The following NIT2 variants were observed in gnomAD, a reference collection of about 807,000 sequenced individuals.
NIT2 encodes nitrilase family member 2.
A neutral mutation model predicts 42.7 loss-of-function variants in NIT2; 46 were observed. The observed-to-expected ratio is 1.08, with a 90% CI of 0.85 to 1.38. The LOEUF is 1.38. NIT2 is among the 40% of genes most tolerant of loss of function. The pLI is 0.00. For missense variants in NIT2, 309 were observed against 342.5 expected (o/e 0.90, Z 0.77); for synonymous variants, 123 against 121.9 (o/e 1.01, Z -0.06).
chr3:100,345,483 A>G (rs1706205953), intron 4 of NIT2, 102 bp from the exon 5 acceptor site: 1 of 759,678 alleles, frequency 1.3e-6, no homozygotes. Context: ...TTGTATAGTT[A>G]ATCTTAGAGC....
chr3:100,339,700 T>C, intron 2 of NIT2, 115 bp from the exon 3 acceptor site: 1 of 1,035,358 alleles, frequency 9.7e-7, no homozygotes. Flanking sequence ...ATTAGCTGTG[T>C]TTTAACCCTT....
intron 6 of NIT2, among the ~76,000 whole-genome samples, 179 bp from the exon 7 acceptor site, chr3:100,348,624 C>T (rs277649): frequency 0.74 from 112,543 of 152,176 alleles, 42,518 homozygotes; most frequent in East Asian, 0.93. Context: ...CTTACGTGTT[C>T]GTATTAAAGG....
chr3:100,359,584 G>A lies in NIT2; in HGVS notation c.*4316G>A, dbSNP rs1466588090. ...CATGTGGCCTCTCTCAACACCATTG[G>A]TGTGACCTTGCTCATACTGCCTCTC... On this transcript the variant is annotated 3_prime_UTR_variant, in exon 10 of 10. Transcript: ENST00000394140. 1 of 152,168 alleles carries A rather than the reference G, an allele frequency of 6.6e-6. No homozygotes were observed. The highest frequency in any genetic ancestry group is 1.5e-5 in the Non-Finnish European group (1 of 68,040). The allele number at this position is 152,168 out of a possible 1,614,324, so 9.4% of individuals were successfully genotyped here. A position where few individuals can be genotyped will look rare whatever the true frequency, so the allele number is the denominator to read the frequency against.
intron 1 of NIT2, among the ~76,000 whole-genome samples, chr3:100,335,472 T>C (rs182742010): frequency 4.3e-4 from 65 of 152,364 alleles, no homozygotes; most frequent in African/African-American, 1.5e-3. Context: ...TGATGAATAT[T>C]AGGGCAGCCT....
rs200885959 is a variant in NIT2, at chr3:100,361,303, T to C, written c.*6035T>C. ...CTCTAAAACAATGCCCAAGAGCCAA[T>C]GTTAGTCATGGTCTTCCTGTATTTG... is the stretch of plus-strand genomic sequence containing the variant. On this transcript the variant is annotated 3_prime_UTR_variant, in exon 10 of 10. Coordinates refer to ENST00000394140, the MANE Select transcript of NIT2 (RefSeq NM_020202.5). 2 of 112,888 alleles carry C rather than the reference T, an allele frequency of 1.8e-5. No homozygotes were observed. Among genetic ancestry groups the C allele is most frequent in the Non-Finnish European group, 3.2e-5 (2 of 62,390 alleles). 7.0% of individuals were successfully genotyped at this position (112,888 alleles called of 1,614,324 possible).
rs112048263 is a variant in NIT2 at position 100,350,596 on chromosome 3, G to A, written c.584+1715G>A. Among the ~76,000 whole-genome samples, 941 of 152,286 alleles carry A rather than the reference G, an allele frequency of 6.2e-3. 9 individuals are homozygous for A. Among genetic ancestry groups the A allele is most frequent in the African/African-American group, 0.021 (879 of 41,540 alleles). On this transcript the variant is annotated intron_variant, in intron 7 of 9. Transcript: ENST00000394140. ...GTGGGGGCTGTCCTGTGCATGGTAG[G>A]ATGTTTAGCAGCATCTGTGGCCTCT...
chr3:100,356,907 A>G lies in NIT2; in HGVS notation c.*1639A>G, dbSNP rs1435854492. The G allele has an allele frequency of 3.9e-5, 6 of 152,196 alleles. No individual in the cohort carries two copies. Among genetic ancestry groups the G allele is most frequent in the Non-Finnish European group, 7.3e-5 (5 of 68,038 alleles). The allele number at this position is 152,196 out of a possible 1,614,324, so 9.4% of individuals were successfully genotyped here. On this transcript the variant is annotated 3_prime_UTR_variant, in exon 10 of 10. Coordinates refer to ENST00000394140, the MANE Select transcript of NIT2 (RefSeq NM_020202.5). The stretch of plus-strand genomic sequence containing the variant: ...TTCTGTATGTCTTCTTTCACTCAAA[A>G]TCACTTGGAACTCAAAATTACTTCT...
intron 1 of NIT2, among the ~76,000 whole-genome samples, chr3:100,336,936 A>T (rs180806453): frequency 6.6e-6 from 1 of 152,206 alleles, no homozygotes; most frequent in Admixed American, 6.5e-5. Flanking sequence ...ATTTCAGACT[A>T]TCACATGGGG....
Position 100,352,441 on chromosome 3 carries a change from C to T in NIT2, c.622C>T (p.Pro208Ser), listed in dbSNP as rs778812375. ...TCAGGTGTATGTGGCCACAGCCTCT[C>T]CTGCCCGGGATGACAAAGCCTCCTA... ...DNQVYVATAS[P>S]ARDDKASYVA... Residue 208 changes from proline to serine, a missense_variant, in exon 8 of 10, where the codon CCT (proline) becomes TCT (serine). Transcript: ENST00000394140. 16 of 1,613,430 alleles carry T rather than the reference C, an allele frequency of 9.9e-6. No homozygotes were observed. The highest frequency in any genetic ancestry group is 4.4e-5 in the South Asian group (4 of 91,078).
chr3:100,347,661 GTGAAGT>G (rs890836992), intron 6 of NIT2, among the ~76,000 whole-genome samples: 1 of 152,118 alleles, frequency 6.6e-6, no homozygotes, highest in African/African-American at 2.4e-5. Flanking sequence ...CTTTTTTTAA[GTGAAGT>G]TGATACCGGT....
At chr3:100,337,860 C>T (rs965028389) in intron 1 of NIT2, among the ~76,000 whole-genome samples, 5 of 152,122 alleles carry the variant, frequency 3.3e-5, no homozygotes, top group East Asian at 1.9e-4. Flanking sequence ...CCCAGGAGTT[C>T]GAGACCAGCC....
Position 100,352,423 on chromosome 3 carries a change from T to G in NIT2, c.604T>G (p.Tyr202Asp). 1 of 1,613,254 alleles carries G rather than the reference T, an allele frequency of 6.2e-7. No homozygotes were observed. The highest frequency in any genetic ancestry group is 8.5e-7 in the Non-Finnish European group (1 of 1,179,378). The change falls in exon 8 of 10, where the codon TAT becomes GAT. Residue 202 changes from tyrosine (Y) to aspartate (D), a missense_variant. Physicochemically the swap from Tyr to Asp is radical, Grantham distance 160. Transcript: ENST00000394140. ...QRSRAVDNQVYVATASPARDD... is the reference protein window; with the variant it reads ...QRSRAVDNQVDVATASPARDD... Reference sequence around the variant, plus strand: ...CTACAGGGCTGTTGATAATCAGGTGTATGTGGCCACAGCCTCTCCTGCCCG... The same window carrying G: ...CTACAGGGCTGTTGATAATCAGGTGGATGTGGCCACAGCCTCTCCTGCCCG...
At chr3:100,349,099 G>A in intron 7 of NIT2, 5 of 385,768 alleles carry the variant, frequency 1.3e-5, no homozygotes, top group South Asian at 4.2e-5. Context: ...ATGGATTTTG[G>A]AAACTGTACT....
At chr3:100,339,006 C>G (rs1432554014) in intron 1 of NIT2, 81 bp from the exon 2 acceptor site, 6 of 978,088 alleles carry the variant, frequency 6.1e-6, no homozygotes, top group Non-Finnish European at 1.0e-5. Flanking sequence ...ACATAACTGC[C>G]TTCCATTTGA....
chr3:100,351,123 T>G (rs1345023846), intron 7 of NIT2, among the ~76,000 whole-genome samples: 1 of 152,186 alleles, frequency 6.6e-6, no homozygotes, highest in Non-Finnish European at 1.5e-5. Flanking sequence ...ACATTTGGGT[T>G]GGTTCCAAGT....
Position 100,356,275 on chromosome 3 carries a change from C to T in NIT2, c.*1007C>T, listed in dbSNP as rs981947896. 8 of 152,148 alleles carry T rather than the reference C, an allele frequency of 5.3e-5. No individual in the cohort carries two copies. The highest frequency in any genetic ancestry group is 1.9e-4 in the African/African-American group (8 of 41,428). The allele number at this position is 152,148 out of a possible 1,614,324, so 9.4% of individuals were successfully genotyped here. On this transcript the variant is annotated 3_prime_UTR_variant, in exon 10 of 10. Transcript: ENST00000394140. ...GAACAACCAGCTATTTGAGAAAAAG[C>T]CCTGATTTTGCTGCTTTTCATGGTG...
At position 100,339,889 on chromosome 3, in the gene NIT2, G is replaced by C. The variant is rs146768162; in HGVS notation, c.201G>C (p.Gln67His). 75 of 1,613,784 alleles carry C rather than the reference G, an allele frequency of 4.6e-5. No individual in the cohort carries two copies. In the African/African-American group the frequency reaches 5.1e-4, roughly 11 times the overall value. ...AGAAAATTCCTGGTGAATCCACACA[G>C]AAGCTTTCTGAAGTAGCAAAGGAAT... is the stretch of plus-strand genomic sequence containing the variant. ...YAEKIPGEST[Q>H]KLSEVAKECS... Residue 67 changes from glutamine to histidine, a missense_variant, in exon 3 of 10, where the codon CAG (glutamine) becomes CAC (histidine). Gln to His is a conservative substitution (Grantham distance 24). Coordinates refer to ENST00000394140, the MANE Select transcript of NIT2 (RefSeq NM_020202.5).
In NIT2 at chr3:100,360,115, T is replaced by C. The variant is rs1400587478; in HGVS notation, c.*4847T>C. 1 of 152,188 alleles carries C rather than the reference T, an allele frequency of 6.6e-6. No homozygotes were observed. The highest frequency in any genetic ancestry group is 2.4e-5 in the African/African-American group (1 of 41,444). 9.4% of individuals were successfully genotyped at this position (152,188 alleles called of 1,614,324 possible). On this transcript the variant is annotated 3_prime_UTR_variant, in exon 10 of 10. Coordinates refer to ENST00000394140, the MANE Select transcript of NIT2 (RefSeq NM_020202.5). ...TCATGAGTGCTTAGTAAATGTTGAG[T>C]TGGAATGAATTTATTCCTACAGGTT...
At chr3:100,339,299 C>G in intron 2 of NIT2, 94 bp downstream of exon 2, 2 of 820,734 alleles carry the variant, frequency 2.4e-6, no homozygotes, top group Non-Finnish European at 4.3e-6. Context: ...TCCTGGGGTC[C>G]AGCAGTGTCC....
Sources: allele counts gnomAD v4.1 joint callset (sites outside exome capture counted in the v4.1 genomes callset), GRCh38; gene constraint gnomAD v4.1.1; transcripts MANE v1.5; gene names NCBI Gene and HGNC (gene_info 2026-07-23, HGNC 2026-07-21).